ROBO2: variants seen among roughly 807,000 people sequenced by gnomAD.
ROBO2 encodes the protein roundabout guidance receptor 2.
Under a neutral mutation model 160.8 loss-of-function variants are expected in ROBO2, and 53 were observed. The observed-to-expected ratio is 0.33, with a 90% CI of 0.26 to 0.41. The LOEUF (loss-of-function observed/expected upper bound fraction) is 0.41. Among genes scored for constraint, ROBO2 ranks in the 10% least tolerant of loss-of-function variants. ROBO2 has a pLI of 1.00. For synonymous variants in ROBO2, 664 were observed against 611.7 expected (o/e 1.09, Z -1.26); for missense variants, 1,577 against 1,722.4 (o/e 0.92, Z 1.49).
At chr3:76,107,840 G>T (rs1170238934) in intron 2 of ROBO2, among the ~76,000 whole-genome samples, 2 of 151,876 alleles carry the variant, frequency 1.3e-5, no homozygotes, top group African/African-American at 4.8e-5. Flanking sequence ...GAAACTCAAA[G>T]TTAATATTTG....
At chr3:76,586,791 A>T (rs2086067096) in intron 2 of ROBO2, among the ~76,000 whole-genome samples, 1 of 152,226 alleles carries the variant, frequency 6.6e-6, no homozygotes, top group Admixed American at 6.5e-5. Flanking sequence ...TTTAAGCTAA[A>T]GTGCACTAAT....
At chr3:76,565,948 G>A (rs187936381) in intron 2 of ROBO2, among the ~76,000 whole-genome samples, 1 of 152,070 alleles carries the variant, frequency 6.6e-6, no homozygotes, top group Non-Finnish European at 1.5e-5. Context: ...ACTCATCATC[G>A]TAGCCAACGG....
At chr3:77,580,682 T>C (rs527534290) in intron 16 of ROBO2, among the ~76,000 whole-genome samples, 3 of 152,300 alleles carry the variant, frequency 2.0e-5, no homozygotes, top group South Asian at 2.1e-4. Flanking sequence ...TTAAATCTGG[T>C]TTCTTTCACT....
At chr3:76,402,454 CTAGTG>C (rs1419323501) in intron 2 of ROBO2, among the ~76,000 whole-genome samples, 9 of 151,594 alleles carry the variant, frequency 5.9e-5, no homozygotes, top group African/African-American at 2.2e-4. Context: ...TTTTTTATAA[CTAGTG>C]TAGTAGATTA....
intron 2 of ROBO2, among the ~76,000 whole-genome samples, chr3:76,675,768 T>G (rs1041809808): frequency 6.6e-6 from 1 of 152,172 alleles, no homozygotes; most frequent in Non-Finnish European, 1.5e-5. Flanking sequence ...AGTCTCAGAA[T>G]TTAAACACGT....
rs1948460010 is a variant in ROBO2 at position 75,949,598 on chromosome 3, C to G, written c.109+11996C>G. 2.0e-5 allele frequency among the ~76,000 whole-genome samples: 3 copies of G among 151,854 alleles called. No individual in the cohort carries two copies. In the South Asian group the frequency reaches 6.2e-4, roughly 31 times the overall value. On this transcript the variant is annotated intron_variant, in intron 2 of 26. Coordinates refer to the ROBO2 transcript ENST00000487694. Reference sequence around the variant, plus strand: ...CATTGCCTTGTAAACAAAAGCAAACCAAAAACTCAAAACTAACATTAGTAT... The same window carrying G: ...CATTGCCTTGTAAACAAAAGCAAACGAAAAACTCAAAACTAACATTAGTAT...
intron 2 of ROBO2, among the ~76,000 whole-genome samples, chr3:77,006,521 T>C (rs1162294728): frequency 2.0e-5 from 3 of 151,882 alleles, no homozygotes; most frequent in Admixed American, 2.0e-4. Context: ...AAGAAGGTCA[T>C]GGAGTGAATG....
At chr3:76,461,955 T>A (rs1328051026) in intron 2 of ROBO2, among the ~76,000 whole-genome samples, 1 of 152,126 alleles carries the variant, frequency 6.6e-6, no homozygotes, top group Non-Finnish European at 1.5e-5. Flanking sequence ...AAGGACCAGA[T>A]TAAGTCCCTT....
chr3:77,458,875 T>TA (rs1451104756), intron 2 of ROBO2, among the ~76,000 whole-genome samples: 4 of 152,130 alleles, frequency 2.6e-5, no homozygotes, highest in Admixed American at 2.0e-4. Flanking sequence ...AGATCTAGAA[T>TA]AAAAAATTGT....
rs1523768 is a variant in ROBO2, at chr3:77,617,893, G to A, written c.3554+120G>A. 0.71 allele frequency: 758,736 copies of A among 1,066,976 alleles called. 272,247 individuals are homozygous for A. The highest frequency in any genetic ancestry group is 0.83 in the East Asian group (32,567 of 39,266). The allele number at this position is 1,066,976 out of a possible 1,614,324, so 66.1% of individuals were successfully genotyped here. A position where few individuals can be genotyped will look rare whatever the true frequency, so the allele number is the denominator to read the frequency against. The stretch of plus-strand genomic sequence containing the variant: ...GCTAGGGTTAAAAGTGATTTTGTAT[G>A]ACTCCTTAATCATTTAGATAAATGT... On this transcript the variant is annotated intron_variant, in intron 22 of 25. Transcript: ENST00000461745.
At chr3:76,416,840 T>C (rs939073386) in intron 2 of ROBO2, among the ~76,000 whole-genome samples, 1 of 152,212 alleles carries the variant, frequency 6.6e-6, no homozygotes, top group South Asian at 2.1e-4. Flanking sequence ...TTCTTCGTGA[T>C]AATGTAGAGT....
Position 77,516,398 on chromosome 3 carries a change from T to C in ROBO2, c.807-6377T>C, listed in dbSNP as rs1582633702. 2.6e-5 allele frequency among the ~76,000 whole-genome samples: 4 copies of C among 151,724 alleles called. No homozygotes were observed. The South Asian group carries it at 8.3e-4, about 31-fold the overall frequency. On this transcript the variant is annotated intron_variant, in intron 5 of 25. Transcript: ENST00000461745. ...ATACTAGGCAAATATATTTTTATTG[T>C]CATATTTTATTTTCATAAGACATGT...
chr3:76,666,250 A>T (rs1208347048), intron 2 of ROBO2, among the ~76,000 whole-genome samples: 2 of 151,954 alleles, frequency 1.3e-5, no homozygotes, highest in East Asian at 3.9e-4. Context: ...AGCACATAAC[A>T]GCTACGATTT....
intron 2 of ROBO2, among the ~76,000 whole-genome samples, chr3:76,972,266 A>T (rs1361648588): frequency 1.3e-5 from 2 of 152,110 alleles, no homozygotes; most frequent in Non-Finnish European, 2.9e-5. Flanking sequence ...TTTGGAACTG[A>T]GCCACATTTC....
intron 2 of ROBO2, among the ~76,000 whole-genome samples, chr3:77,220,887 AAATAATAGTAG>A (rs1467959405): frequency 2.0e-5 from 3 of 152,214 alleles, no homozygotes; most frequent in African/African-American, 7.2e-5. Flanking sequence ...ATAATAGTAG[AAATAATAGTAG>A]AATAATAGTA....
At chr3:76,497,240 C>T (rs1366399227) in intron 2 of ROBO2, among the ~76,000 whole-genome samples, 1 of 152,148 alleles carries the variant, frequency 6.6e-6, no homozygotes, top group Non-Finnish European at 1.5e-5. Context: ...CTCTCTCCCT[C>T]GCTGAAGTGC....
intron 2 of ROBO2, among the ~76,000 whole-genome samples, chr3:77,304,358 C>T (rs1369237020): frequency 1.3e-5 from 2 of 152,182 alleles, no homozygotes; most frequent in Non-Finnish European, 2.9e-5. Context: ...AGGCACGGTG[C>T]TGTTTTCCTC....
rs756160244 is a variant in ROBO2, at chr3:76,063,822, G to GGT, written c.109+126232_109+126233dup. Among the ~76,000 whole-genome samples, 71 of 152,158 alleles carry GGT rather than the reference G, an allele frequency of 4.7e-4. 1 individual carries two copies. The highest frequency in any genetic ancestry group is 3.7e-3 in the Admixed American group (56 of 15,284). On this transcript the variant is annotated intron_variant, in intron 2 of 26. Coordinates refer to the ROBO2 transcript ENST00000487694. ...TAATACCCTACCTTTAAGTGGAATT[G>GGT]GTGTGTGTGTGTGAATATAACTAAG...
intron 1 of ROBO2, among the ~76,000 whole-genome samples, chr3:77,044,776 T>C (rs540762973): frequency 6.6e-6 from 1 of 152,326 alleles, no homozygotes; most frequent in South Asian, 2.1e-4. Context: ...CCTATCATTT[T>C]CCAGTTTACA....
Sources: gnomAD v4.1 joint callset for allele counts (sites outside exome capture counted in the v4.1 genomes callset) on GRCh38, gnomAD v4.1.1 for gene constraint, MANE v1.5 for transcripts, NCBI Gene and HGNC (gene_info 2026-07-23, HGNC 2026-07-21) for gene names.